MACROD2: variants seen among roughly 807,000 people sequenced by gnomAD.
MACROD2 encodes the protein mono-ADP ribosylhydrolase 2.
Under a neutral mutation model 70.4 loss-of-function variants are expected in MACROD2, and 36 were observed. That is an observed-to-expected ratio of 0.51 (90% CI 0.39 to 0.68). The LOEUF is 0.68. MACROD2 is among the 30% of genes least tolerant of loss of function. The probability of loss-of-function intolerance (pLI) is 0.00; values close to 1 mark genes in which losing one functional copy is unlikely to be tolerated. For missense variants in MACROD2, 496 were observed against 538.4 expected (o/e 0.92, Z 0.78); for synonymous variants, 172 against 178.8 (o/e 0.96, Z 0.30).
intron 8 of MACROD2, among the ~76,000 whole-genome samples, chr20:15,620,571 T>C (rs2049111205): frequency 6.6e-6 from 1 of 152,202 alleles, no homozygotes; most frequent in African/African-American, 2.4e-5. Flanking sequence ...GTGCAATGAC[T>C]GCTGCTTATT....
intron 5 of MACROD2, among the ~76,000 whole-genome samples, chr20:14,881,786 C>G (rs1289349937): frequency 6.6e-6 from 1 of 152,074 alleles, no homozygotes; most frequent in Non-Finnish European, 1.5e-5. Flanking sequence ...AACCAGGGCC[C>G]TCTAAGTCTA....
chr20:14,460,473 G>A (rs538726380), intron 3 of MACROD2, among the ~76,000 whole-genome samples: 1 of 152,076 alleles, frequency 6.6e-6, no homozygotes, highest in African/African-American at 2.4e-5. Context: ...TCTCTAATGA[G>A]CAGTGATGAT....
intron 4 of MACROD2, among the ~76,000 whole-genome samples, chr20:14,575,058 T>C: frequency 6.7e-6 from 1 of 149,270 alleles, no homozygotes; most frequent in East Asian, 1.9e-4. Context: ...ACAAAGTTTT[T>C]GGTCTCTGCA....
In MACROD2 at chr20:15,208,085, A is replaced by ATT. The variant is rs55672634; in HGVS notation, c.419-21848_419-21847dup. Reference sequence around the variant, plus strand: ...TAGTTTCACAGGTCCCTGAAACTCTATTTTTTTTGACGTTTGTTTAGCCTA... The same window carrying ATT: ...TAGTTTCACAGGTCCCTGAAACTCTATTTTTTTTTTGACGTTTGTTTAGCCTA... On this transcript the variant is annotated intron_variant, in intron 5 of 17. Coordinates refer to ENST00000684519, the MANE Select transcript of MACROD2 (RefSeq NM_001351661.2). 3.2e-3 allele frequency among the ~76,000 whole-genome samples: 490 copies of ATT among 151,450 alleles called. 3 individuals are homozygous for ATT. Among genetic ancestry groups the ATT allele is most frequent in the South Asian group, 0.016 (79 of 4,796 alleles).
intron 8 of MACROD2, among the ~76,000 whole-genome samples, chr20:15,861,032 A>C (rs755075545): frequency 2.6e-5 from 4 of 152,222 alleles, no homozygotes; most frequent in African/African-American, 9.6e-5. Flanking sequence ...ATTAGTTGGC[A>C]GTGTATGACT....
intron 10 of MACROD2, among the ~76,000 whole-genome samples, chr20:15,927,639 C>T (rs1183017353): frequency 6.6e-6 from 1 of 152,154 alleles, no homozygotes; most frequent in Non-Finnish European, 1.5e-5. Flanking sequence ...GCAGCTATGA[C>T]TCCTGCTAGG....
chr20:14,815,327 A>C (rs775680651), intron 5 of MACROD2, among the ~76,000 whole-genome samples: 1 of 152,084 alleles, frequency 6.6e-6, no homozygotes, highest in African/African-American at 2.4e-5. Flanking sequence ...GAAAGAAAAA[A>C]GTTATCTTAA....
chr20:15,865,513 G>A (rs529065900), intron 9 of MACROD2, among the ~76,000 whole-genome samples: 17 of 152,256 alleles, frequency 1.1e-4, no homozygotes, highest in Admixed American at 6.5e-4. Flanking sequence ...AGGAGGCACC[G>A]TATTAACCCT....
At chr20:15,885,708 C>A in intron 9 of MACROD2, 56 bp from the exon 10 acceptor site, 4 of 1,397,274 alleles carry the variant, frequency 2.9e-6, no homozygotes, top group South Asian at 1.5e-5. Context: ...CTGGAACATT[C>A]TTGTGTTTCC....
At chr20:15,526,959 C>T (rs924964154) in intron 8 of MACROD2, among the ~76,000 whole-genome samples, 6 of 152,176 alleles carry the variant, frequency 3.9e-5, no homozygotes, top group African/African-American at 1.2e-4. Flanking sequence ...TAGCAAGTAT[C>T]TCACCACGTA....
chr20:15,563,280 T>C (rs2048269197), intron 8 of MACROD2, among the ~76,000 whole-genome samples: 1 of 152,226 alleles, frequency 6.6e-6, no homozygotes, highest in Non-Finnish European at 1.5e-5. Context: ...CCCCTTCTTC[T>C]GTCCCATCCT....
intron 5 of MACROD2, among the ~76,000 whole-genome samples, chr20:14,705,119 T>C (rs2071253830): frequency 6.6e-6 from 1 of 151,922 alleles, no homozygotes; most frequent in Admixed American, 6.6e-5. Context: ...TCTACTTACA[T>C]AGCAAAAAAA....
chr20:15,685,608 C>A (rs1048202302), intron 8 of MACROD2, among the ~76,000 whole-genome samples: 18 of 152,206 alleles, frequency 1.2e-4, no homozygotes, highest in African/African-American at 4.3e-4. Context: ...ACCATACTGA[C>A]CCACTCCTGC....
At chr20:14,400,445 C>T (rs2083625950) in intron 3 of MACROD2, among the ~76,000 whole-genome samples, 1 of 152,148 alleles carries the variant, frequency 6.6e-6, no homozygotes, top group Admixed American at 6.5e-5. Context: ...TTATCATATG[C>T]ATGTGCTGAT....
intron 5 of MACROD2, among the ~76,000 whole-genome samples, chr20:15,171,479 C>T (rs1315866379): frequency 6.6e-6 from 1 of 151,698 alleles, no homozygotes; most frequent in Non-Finnish European, 1.5e-5. Context: ...ACCCCCTGAC[C>T]CCATAGTCAC....
At chr20:15,548,055 C>A (rs898811531) in intron 8 of MACROD2, among the ~76,000 whole-genome samples, 2 of 152,112 alleles carry the variant, frequency 1.3e-5, no homozygotes, top group African/African-American at 4.8e-5. Context: ...CTATCTATAT[C>A]CATTTACTTA....
At chr20:14,581,282 T>A (rs188253268) in intron 4 of MACROD2, among the ~76,000 whole-genome samples, 2 of 152,308 alleles carry the variant, frequency 1.3e-5, no homozygotes, top group Admixed American at 1.3e-4. Context: ...CTCTAAAAAA[T>A]TCTCATGTTC....
chr20:15,573,261 A>G (rs1459218432), intron 8 of MACROD2, among the ~76,000 whole-genome samples: 2 of 152,172 alleles, frequency 1.3e-5, no homozygotes, highest in African/African-American at 2.4e-5. Context: ...TCACATGCCA[A>G]AACAAAATAG....
intron 3 of MACROD2, among the ~76,000 whole-genome samples, chr20:14,374,984 T>C (rs898476586): frequency 1.3e-5 from 2 of 152,212 alleles, no homozygotes; most frequent in African/African-American, 4.8e-5. Context: ...TATCCATTTG[T>C]ATTTTATATC....
Sources: gnomAD v4.1 joint callset for allele counts (sites outside exome capture counted in the v4.1 genomes callset) on GRCh38, gnomAD v4.1.1 for gene constraint, MANE v1.5 for transcripts, NCBI Gene and HGNC (gene_info 2026-07-23, HGNC 2026-07-21) for gene names.